KIRREL3: variants seen among roughly 807,000 people sequenced by gnomAD.
The protein encoded by KIRREL3 is kirre like nephrin family adhesion molecule 3.
In KIRREL3, 36 loss-of-function variants were observed where a neutral mutation model predicts 89.7. That is an observed-to-expected ratio of 0.40 (90% CI 0.31 to 0.53). The LOEUF (loss-of-function observed/expected upper bound fraction) is 0.53. Ranked by LOEUF, KIRREL3 falls within the 20% of genes least tolerant of loss-of-function variation. The pLI is 0.49. For missense variants in KIRREL3, 864 were observed against 1,056.6 expected (o/e 0.82, Z 2.53); for synonymous variants, 445 against 441.4 (o/e 1.01, Z -0.10).
chr11:126,473,575 A>G (rs1015575869), intron 4 of KIRREL3, 109 bp from the exon 5 acceptor site: 7 of 924,964 alleles, frequency 7.6e-6, no homozygotes, highest in South Asian at 5.9e-5. Flanking sequence ...ATTATCACAC[A>G]TTAATAAAAC....
intron 1 of KIRREL3, among the ~76,000 whole-genome samples, chr11:126,889,659 G>T (rs1305971583): frequency 2.0e-5 from 3 of 152,170 alleles, no homozygotes; most frequent in African/African-American, 7.2e-5. Flanking sequence ...GGAAGAATCA[G>T]TTTCAGTACG....
chr11:126,929,752 C>T (rs1307586996), intron 1 of KIRREL3, among the ~76,000 whole-genome samples: 1 of 152,216 alleles, frequency 6.6e-6, no homozygotes, highest in Admixed American at 6.5e-5. Flanking sequence ...CTATTCATGG[C>T]TTCCAATTTC....
chr11:126,483,271 A>G (rs1209909877), intron 4 of KIRREL3, among the ~76,000 whole-genome samples: 1 of 152,242 alleles, frequency 6.6e-6, no homozygotes, highest in Non-Finnish European at 1.5e-5. Flanking sequence ...TTTGTTGAAC[A>G]TAAGCCTACA....
In KIRREL3 at chr11:126,501,437, A is replaced by C. The variant is rs1030116236; in HGVS notation, c.433+19878T>G. 2.6e-5 allele frequency among the ~76,000 whole-genome samples: 4 copies of C among 152,162 alleles called. No individual in the cohort carries two copies. The highest frequency in any genetic ancestry group is 5.9e-5 in the Non-Finnish European group (4 of 68,018). ...GCTCCTCTGGGGAGCGAGGGTGCCC[A>C]GGTGGGGAAGGCAGAGCGCAGGTCG... On this transcript the variant is annotated intron_variant, in intron 4 of 16. Transcript: ENST00000525144. The surrounding 1 kb of genome is among the most constrained non-coding windows in gnomAD (Gnocchi z 5.8).
Position 126,570,593 on chromosome 11 carries a change from G to T in KIRREL3, c.56-7681C>A, listed in dbSNP as rs1055105459. Among the ~76,000 whole-genome samples, 1 of 152,158 alleles carries T rather than the reference G, an allele frequency of 6.6e-6. No homozygotes were observed. Among genetic ancestry groups the T allele is most frequent in the Non-Finnish European group, 1.5e-5 (1 of 68,028 alleles). ...ATCACGTGCCGATCAGCACCTTACA[G>T]CTTGGTAAGCAGTGGCAGTGCCTAA... On this transcript the variant is annotated intron_variant, in intron 1 of 16. Transcript: ENST00000525144. This position sits in a 1 kb window ranked among gnomAD's most constrained non-coding sequence, Gnocchi z 6.1.
intron 1 of KIRREL3, among the ~76,000 whole-genome samples, chr11:126,923,130 T>TTCTCCTCCTC (rs1555090108): frequency 6.1e-5 from 1 of 16,304 alleles, no homozygotes; most frequent in Non-Finnish European, 1.2e-4. Context: ...CTCCTTCTTC[T>TTCTCCTCCTC]CTTCTTCTTC....
In KIRREL3 at chr11:126,991,335, T is replaced by C. The variant is rs1043873251; in HGVS notation, c.55+9120A>G. 6.6e-6 allele frequency among the ~76,000 whole-genome samples: 1 copy of C among 152,116 alleles called. No individual in the cohort carries two copies. Among genetic ancestry groups the C allele is most frequent in the African/African-American group, 2.4e-5 (1 of 41,396 alleles). The stretch of plus-strand genomic sequence containing the variant: ...GGCTTCTCCTCTCATTACCCCTCAT[T>C]CCATTCCAATATTTCCACACTTATT... On this transcript the variant is annotated intron_variant, in intron 1 of 16. Transcript: ENST00000525144. The surrounding 1 kb of genome is among the most constrained non-coding windows in gnomAD (Gnocchi z 5.8).
At chr11:126,831,573 C>G (rs1388438138) in intron 1 of KIRREL3, among the ~76,000 whole-genome samples, 1 of 152,056 alleles carries the variant, frequency 6.6e-6, no homozygotes, top group Non-Finnish European at 1.5e-5. Context: ...CTAAGAGGAC[C>G]AAGACACCTT....
At chr11:126,456,499 G>C (rs745663543) in intron 6 of KIRREL3, 45 bp from the exon 7 acceptor site, 1 of 1,293,026 alleles carries the variant, frequency 7.7e-7, no homozygotes, top group Non-Finnish European at 1.1e-6. Flanking sequence ...AAAGAATGGG[G>C]GCAGGGAGAT....
chr11:126,707,721 A>C (rs1947590300), intron 1 of KIRREL3, among the ~76,000 whole-genome samples: 1 of 152,066 alleles, frequency 6.6e-6, no homozygotes, highest in Non-Finnish European at 1.5e-5. Context: ...CCCCCTGTGG[A>C]TTCTTCTCAG....
At chr11:126,437,488 C>T (rs1955399871) in intron 11 of KIRREL3, among the ~76,000 whole-genome samples, 2 of 151,996 alleles carry the variant, frequency 1.3e-5, no homozygotes, top group Non-Finnish European at 2.9e-5. Flanking sequence ...TATGCAAGTA[C>T]ATGTACCACA....
chr11:126,463,019 C>A lies in KIRREL3; in HGVS notation c.742+138G>T. 1 of 740,508 alleles carries A rather than the reference C, an allele frequency of 1.4e-6. No homozygotes were observed. The highest frequency in any genetic ancestry group is 2.2e-6 in the Non-Finnish European group (1 of 452,670). 45.9% of individuals were successfully genotyped at this position (740,508 alleles called of 1,614,324 possible). ...GGAAGACAAGATGGTCCTTCCTGTC[C>A]GTATCTACAAGCTGGCCAATCCACA... On this transcript the variant is annotated intron_variant, in intron 6 of 16. Coordinates refer to ENST00000525144, the MANE Select transcript of KIRREL3 (RefSeq NM_032531.4). The surrounding 1 kb of genome is among the most constrained non-coding windows in gnomAD (Gnocchi z 5.9).
chr11:126,617,284 G>A (rs954719677), intron 1 of KIRREL3, among the ~76,000 whole-genome samples: 2 of 152,214 alleles, frequency 1.3e-5, no homozygotes, highest in Non-Finnish European at 2.9e-5. Flanking sequence ...TAGATGGCAG[G>A]TGGTGAAGAA....
At chr11:126,847,517 T>C (rs1030957294) in intron 1 of KIRREL3, among the ~76,000 whole-genome samples, 10 of 152,136 alleles carry the variant, frequency 6.6e-5, no homozygotes, top group Non-Finnish European at 1.2e-4. Flanking sequence ...AATGCAAGTT[T>C]CTGATAACTT....
intron 4 of KIRREL3, among the ~76,000 whole-genome samples, chr11:126,517,162 GAGAGAGAGAC>G (rs1786968841): frequency 6.8e-6 from 1 of 147,862 alleles, no homozygotes; most frequent in Admixed American, 6.6e-5. Flanking sequence ...GAGAGAGAGA[GAGAGAGAGAC>G]AGAGTGTTTA....
At chr11:126,933,417 C>A (rs1322581042) in intron 1 of KIRREL3, among the ~76,000 whole-genome samples, 1 of 151,440 alleles carries the variant, frequency 6.6e-6, no homozygotes, top group East Asian at 1.9e-4. Context: ...ACGTTATCTG[C>A]CTTAGGGGAA....
At chr11:126,858,569 G>T (rs922046474) in intron 1 of KIRREL3, among the ~76,000 whole-genome samples, 1 of 152,120 alleles carries the variant, frequency 6.6e-6, no homozygotes, top group Non-Finnish European at 1.5e-5. Context: ...CCTCCAGTGT[G>T]AGTTCTCCTC....
At chr11:126,444,850 T>C (rs1955728141) in intron 10 of KIRREL3, 129 bp downstream of exon 10, 1 of 1,231,188 alleles carries the variant, frequency 8.1e-7, no homozygotes, top group African/African-American at 1.5e-5. Context: ...AATTGTTGTC[T>C]ACCCATAGTT....
rs1947489942 is a variant in KIRREL3, at chr11:126,923,210, CTTCTTCTTCTTCTTCT to C, written c.55+77229_55+77244del. On this transcript the variant is annotated intron_variant, in intron 1 of 16. Coordinates refer to ENST00000525144, the MANE Select transcript of KIRREL3 (RefSeq NM_032531.4). ...TTCTCTTCTTCTTCTTCTTCTTCTT[CTTCTTCTTCTTCTTCT>C]TCTTCTTCTTCTTCTTCTTCTTCTT... Among the ~76,000 whole-genome samples, 2 of 16,242 alleles carry C rather than the reference CTTCTTCTTCTTCTTCT, an allele frequency of 1.2e-4. 1 individual carries two copies. The highest frequency in any genetic ancestry group is 7.3e-4 in the African/African-American group (2 of 2,740). The allele number at this position is 16,242 out of a possible 152,430, so 10.7% of individuals were successfully genotyped here.
Sources: allele counts gnomAD v4.1 joint callset (sites outside exome capture counted in the v4.1 genomes callset), GRCh38; gene constraint gnomAD v4.1.1; non-coding constraint Gnocchi (gnomAD v3.1); transcripts MANE v1.5; gene names NCBI Gene and HGNC (gene_info 2026-07-23, HGNC 2026-07-21).